The following SEMA3C variants were observed in gnomAD, a reference collection of about 807,000 sequenced individuals.
The protein encoded by SEMA3C is semaphorin-3C.
Under a neutral mutation model 89.4 loss-of-function variants are expected in SEMA3C, and 47 were observed. The observed-to-expected ratio is 0.53, with a 90% CI of 0.42 to 0.67. SEMA3C has a LOEUF of 0.67. Among genes scored for constraint, SEMA3C ranks in the 30% least tolerant of loss-of-function variants. The pLI is 0.00. For synonymous variants in SEMA3C, 310 were observed against 320.2 expected (o/e 0.97, Z 0.34); for missense variants, 839 against 929.1 (o/e 0.90, Z 1.26).
intron 2 of SEMA3C, 32 bp downstream of exon 2, chr7:80,916,647 A>AT: frequency 2.5e-6 from 4 of 1,579,644 alleles, no homozygotes; most frequent in Non-Finnish European, 2.6e-6. Flanking sequence ...TTAAAATAAC[A>AT]TTTTTCCCAG....
Position 80,818,299 on chromosome 7 carries a change from C to A in SEMA3C, c.447G>T (p.Glu149Asp). The change falls in exon 5 of 18, where the codon GAG becomes GAT. Residue 149 changes from glutamate (E) to aspartate (D), a missense_variant and splice_region_variant. By Grantham distance (45) the Glu-to-Asp change is conservative. Transcript: ENST00000265361. ...AAGAATGTTAAATAGTTATACTTAC[C>A]TCTGATCTCCTCCCTCTGTTCAAGT... The part of the protein sequence containing the change: ...CTYLNRGRRS[E>D]DQVFMIDSKC... 6.2e-7 allele frequency: 1 copy of A among 1,602,778 alleles called. No individual in the cohort carries two copies. Among genetic ancestry groups the A allele is most frequent in the South Asian group, 1.1e-5 (1 of 89,792 alleles).
Position 80,905,225 on chromosome 7 carries a change from G to A in SEMA3C, c.103+11454C>T, listed in dbSNP as rs560047138. ...GGAAGAGGGAGGTAGGGAGAGACAG[G>A]GAGAGAGAGGGAGAGAGAGGGAGAG... On this transcript the variant is annotated intron_variant, in intron 2 of 17. Transcript: ENST00000265361. 3.3e-3 allele frequency among the ~76,000 whole-genome samples: 375 copies of A among 112,982 alleles called. 3 individuals are homozygous for A. The highest frequency in any genetic ancestry group is 0.013 in the African/African-American group (359 of 27,400). The allele number at this position is 112,982 out of a possible 152,430, so 74.1% of individuals were successfully genotyped here. A position where few individuals can be genotyped will look rare whatever the true frequency, so the allele number is the denominator to read the frequency against.
chr7:80,911,616 CT>C (rs774658177), intron 2 of SEMA3C, among the ~76,000 whole-genome samples: 462 of 140,726 alleles, frequency 3.3e-3, no homozygotes, highest in Middle Eastern at 0.015. Context: ...AGAATAGGAC[CT>C]TTTTTTTTTT....
intron 2 of SEMA3C, among the ~76,000 whole-genome samples, chr7:80,878,491 G>A (rs1791252309): frequency 6.6e-6 from 1 of 152,186 alleles, no homozygotes; most frequent in Non-Finnish European, 1.5e-5. Context: ...AAAGGACAAA[G>A]TAATTGAAAG....
intron 2 of SEMA3C, among the ~76,000 whole-genome samples, chr7:80,870,308 A>T (rs949747368): frequency 6.6e-6 from 1 of 151,330 alleles, no homozygotes; most frequent in Non-Finnish European, 1.5e-5. Context: ...CCACCAATGA[A>T]TCATATTAAC....
chr7:80,755,302 T>G (rs1306457944), intron 15 of SEMA3C, among the ~76,000 whole-genome samples: 1 of 150,856 alleles, frequency 6.6e-6, no homozygotes, highest in Admixed American at 6.7e-5. Context: ...TACCTGGGGT[T>G]GTAATAGGTG....
At chr7:80,790,384 A>G (rs1436119479) in intron 11 of SEMA3C, among the ~76,000 whole-genome samples, 5 of 152,044 alleles carry the variant, frequency 3.3e-5, no homozygotes, top group Non-Finnish European at 7.4e-5. Flanking sequence ...AGAAGAAGGA[A>G]GAAGACAGCT....
At chr7:80,911,689 A>G (rs1792154042) in intron 2 of SEMA3C, among the ~76,000 whole-genome samples, 1 of 151,186 alleles carries the variant, frequency 6.6e-6, no homozygotes, top group Non-Finnish European at 1.5e-5. Context: ...GCTGGAGTAC[A>G]ATGGCACGAC....
At chr7:80,917,310 G>A (rs73376611) in intron 1 of SEMA3C, among the ~76,000 whole-genome samples, 17,740 of 152,170 alleles carry the variant, frequency 0.12, 1,857 homozygotes, top group African/African-American at 0.28. Context: ...GTCTCTGGAA[G>A]TGGTGTTTCC....
chr7:80,792,576 T>G (rs954172023), intron 11 of SEMA3C, among the ~76,000 whole-genome samples: 3 of 152,182 alleles, frequency 2.0e-5, no homozygotes, highest in Admixed American at 2.0e-4. Context: ...TAATGGTAAA[T>G]GAAATCCAGG....
chr7:80,858,368 T>C (rs572453521), intron 2 of SEMA3C, among the ~76,000 whole-genome samples: 1 of 152,150 alleles, frequency 6.6e-6, no homozygotes, highest in African/African-American at 2.4e-5. Context: ...TTCCATTTGG[T>C]TTAACTGATG....
At chr7:80,892,919 G>A (rs897304554) in intron 2 of SEMA3C, among the ~76,000 whole-genome samples, 1 of 152,034 alleles carries the variant, frequency 6.6e-6, no homozygotes, top group Non-Finnish European at 1.5e-5. Flanking sequence ...AGGGAATACA[G>A]GGTATTGGTT....
intron 2 of SEMA3C, among the ~76,000 whole-genome samples, chr7:80,905,428 G>A (rs932817767): frequency 6.6e-6 from 1 of 151,820 alleles, no homozygotes; most frequent in Non-Finnish European, 1.5e-5. Flanking sequence ...TTAATTTGAC[G>A]ATTAGAAGTC....
At chr7:80,821,150 C>T (rs1218985406) in intron 4 of SEMA3C, among the ~76,000 whole-genome samples, 2 of 151,992 alleles carry the variant, frequency 1.3e-5, no homozygotes, top group Non-Finnish European at 2.9e-5. Context: ...TTTATTTTTA[C>T]CTCTAGAAAG....
chr7:80,802,569 A>C, intron 9 of SEMA3C, 96 bp downstream of exon 9: 3 of 708,498 alleles, frequency 4.2e-6, no homozygotes, highest in Non-Finnish European at 7.0e-6. Flanking sequence ...TTATGCTGAA[A>C]ATATGGAAAG....
In SEMA3C at chr7:80,840,561, C is replaced by T. The variant is rs187600697; in HGVS notation, c.104-11816G>A. Among the ~76,000 whole-genome samples the T allele has an allele frequency of 1.2e-3, 168 of 137,490 alleles. 1 individual carries two copies. Among genetic ancestry groups the T allele is most frequent in the Admixed American group, 0.01 (141 of 13,462 alleles). The allele number at this position is 137,490 out of a possible 152,430, so 90.2% of individuals were successfully genotyped here. On this transcript the variant is annotated intron_variant, in intron 2 of 17. Transcript: ENST00000265361. ...AAAAAAAAGAGCGAGAGAGAGAGAG[C>T]GCGATGGTAAATGCCAGGAGCTAGG...
At chr7:80,900,036 C>T (rs560672741) in intron 2 of SEMA3C, among the ~76,000 whole-genome samples, 25 of 152,058 alleles carry the variant, frequency 1.6e-4, no homozygotes, top group Admixed American at 5.9e-4. Flanking sequence ...ATAACTGTCA[C>T]TCATATAGTG....
At chr7:80,763,267 CTT>C (rs1788226551) in intron 13 of SEMA3C, among the ~76,000 whole-genome samples, 1 of 152,160 alleles carries the variant, frequency 6.6e-6, no homozygotes, top group Non-Finnish European at 1.5e-5. Flanking sequence ...GCTAAGAAAA[CTT>C]TTCAATTTAA....
At chr7:80,787,032 T>G (rs1014159082) in intron 12 of SEMA3C, among the ~76,000 whole-genome samples, 1 of 152,142 alleles carries the variant, frequency 6.6e-6, no homozygotes, top group Non-Finnish European at 1.5e-5. Context: ...ACATTTGGGA[T>G]TTGTTTGCAC....
Sources: gnomAD v4.1 joint callset for allele counts (sites outside exome capture counted in the v4.1 genomes callset) on GRCh38, gnomAD v4.1.1 for gene constraint, MANE v1.5 for transcripts, NCBI Gene and HGNC (gene_info 2026-07-23, HGNC 2026-07-21) for gene names.